Variants in ARHGAP28 observed in about 807,000 individuals in gnomAD.
ARHGAP28 encodes Rho GTPase activating protein 28, also known as rho GTPase-activating protein 28.
A neutral mutation model predicts 90.7 loss-of-function variants in ARHGAP28; 56 were observed. The observed-to-expected ratio is 0.62, with a 90% confidence interval of 0.50 to 0.77. The LOEUF (loss-of-function observed/expected upper bound fraction) is 0.77, where lower values mean the gene tolerates loss of function less well. ARHGAP28 is among the 30% of genes least tolerant of loss of function. The pLI, the probability that ARHGAP28 is intolerant of heterozygous loss-of-function variation, is 0.00. For missense variants in ARHGAP28, 869 were observed against 900.9 expected, an observed-to-expected ratio of 0.96 and a Z score of 0.45; for synonymous variants, 308 against 323.3, an observed-to-expected ratio of 0.95 and a Z score of 0.51.
At chr18:6,775,501 G>C (rs1459328706) in intron 1 of ARHGAP28, among the ~76,000 whole-genome samples, 2 of 151,516 alleles carry the variant, frequency 1.3e-5, no homozygotes, top group Non-Finnish European at 1.5e-5. Flanking sequence ...TGTGGTGGAA[G>C]GGGTGAGAGT....
intron 1 of ARHGAP28, among the ~76,000 whole-genome samples, chr18:6,775,961 T>C (rs879479114): frequency 6.6e-6 from 1 of 152,186 alleles, no homozygotes; most frequent in Non-Finnish European, 1.5e-5. Context: ...AAGGACTTCA[T>C]TTTTATGATC....
intron 2 of ARHGAP28, among the ~76,000 whole-genome samples, chr18:6,827,478 A>G (rs2056677290): frequency 7.7e-6 from 1 of 129,102 alleles, no homozygotes; most frequent in Non-Finnish European, 1.7e-5. Context: ...CTCACTTCCC[A>G]GTAGGGGCGG....
intron 1 of ARHGAP28, among the ~76,000 whole-genome samples, chr18:6,822,926 G>A (rs142493771): frequency 2.0e-5 from 3 of 152,250 alleles, no homozygotes; most frequent in East Asian, 3.9e-4. Flanking sequence ...CTTTACATTA[G>A]CCATGGCTAA....
chr18:6,735,356 A>G (rs151333978), intron 1 of ARHGAP28, among the ~76,000 whole-genome samples: 283 of 152,302 alleles, frequency 1.9e-3, no homozygotes, highest in Middle Eastern at 6.8e-3. Context: ...CCAGTTTTCC[A>G]ATAAAATCGG....
chr18:6,782,397 A>G (rs2056330785), intron 1 of ARHGAP28, among the ~76,000 whole-genome samples: 1 of 151,960 alleles, frequency 6.6e-6, no homozygotes, highest in African/African-American at 2.4e-5. Flanking sequence ...TATCTGTTAT[A>G]TATAATGTCA....
chr18:6,822,602 C>G (rs114187705), intron 1 of ARHGAP28, among the ~76,000 whole-genome samples: 1 of 152,108 alleles, frequency 6.6e-6, no homozygotes, highest in South Asian at 2.1e-4. Flanking sequence ...ACCCGGTTAT[C>G]AGACAAAACT....
At chr18:6,870,361 ATAGT>A (rs754114978) in intron 6 of ARHGAP28, among the ~76,000 whole-genome samples, 2 of 152,170 alleles carry the variant, frequency 1.3e-5, no homozygotes, top group Non-Finnish European at 2.9e-5. Context: ...ATCAGAGTAA[ATAGT>A]TTGTTTGGGC....
chr18:6,873,394 C>T lies in ARHGAP28; in HGVS notation c.955-15C>T, dbSNP rs1567977846. 1.9e-6 allele frequency: 3 copies of T among 1,597,888 alleles called. No individual in the cohort carries two copies. Among genetic ancestry groups the T allele is most frequent in the Admixed American group, 3.6e-5 (2 of 55,530 alleles). On this transcript the variant is annotated splice_polypyrimidine_tract_variant and intron_variant, in intron 7 of 17. Transcript: ENST00000383472. ...CTTTGCCATAAAAAATAAATACCTT[C>T]ACTGTGTGTTTTAGAAATTTAATGT...
At chr18:6,840,155 A>G (rs745394967) in intron 3 of ARHGAP28, among the ~76,000 whole-genome samples, 2 of 152,190 alleles carry the variant, frequency 1.3e-5, no homozygotes, top group Non-Finnish European at 2.9e-5. Flanking sequence ...ATTACTGTAA[A>G]TAAAAGGAGG....
intron 1 of ARHGAP28, among the ~76,000 whole-genome samples, chr18:6,818,854 C>T (rs1362366316): frequency 6.6e-6 from 1 of 152,200 alleles, no homozygotes; most frequent in Non-Finnish European, 1.5e-5. Context: ...GTAAGACTAG[C>T]AAAGAAGTTT....
At chr18:6,792,942 G>A (rs1426323953) in intron 1 of ARHGAP28, among the ~76,000 whole-genome samples, 2 of 152,188 alleles carry the variant, frequency 1.3e-5, no homozygotes, top group Non-Finnish European at 2.9e-5. Flanking sequence ...CTTCCAGTAT[G>A]ATGCTCACAT....
chr18:6,888,231 A>G (rs1017608032), intron 12 of ARHGAP28, among the ~76,000 whole-genome samples: 8 of 152,200 alleles, frequency 5.3e-5, no homozygotes, highest in Non-Finnish European at 1.2e-4. Context: ...TCTTTGCTGT[A>G]TGTTGGTAAA....
chr18:6,907,425 A>T (rs1197119990), intron 16 of ARHGAP28, among the ~76,000 whole-genome samples: 1 of 150,456 alleles, frequency 6.6e-6, no homozygotes, highest in African/African-American at 2.4e-5. Flanking sequence ...GGTGTCCTTC[A>T]ACAGGTGAGT....
At chr18:6,813,771 A>T (rs890472154) in intron 1 of ARHGAP28, among the ~76,000 whole-genome samples, 4 of 152,078 alleles carry the variant, frequency 2.6e-5, no homozygotes, top group African/African-American at 2.4e-5. Flanking sequence ...ATTTCTCAAT[A>T]ATTAGCTGTG....
At chr18:6,762,048 T>C (rs921676935) in intron 1 of ARHGAP28, among the ~76,000 whole-genome samples, 1 of 152,204 alleles carries the variant, frequency 6.6e-6, no homozygotes, top group African/African-American at 2.4e-5. Context: ...CATTTGCTGG[T>C]AGCATAGGGA....
chr18:6,772,844 A>G (rs996330674), intron 1 of ARHGAP28, among the ~76,000 whole-genome samples: 6 of 151,856 alleles, frequency 4.0e-5, no homozygotes, highest in African/African-American at 1.2e-4. Context: ...GGGTCCAAGC[A>G]ATTCTCCTGC....
chr18:6,784,801 C>A (rs999469175), intron 1 of ARHGAP28, among the ~76,000 whole-genome samples: 5 of 152,154 alleles, frequency 3.3e-5, no homozygotes, highest in African/African-American at 4.8e-5. Context: ...GTTGTGTTTT[C>A]TAATTTTAGT....
chr18:6,774,865 G>T (rs1036949973), intron 1 of ARHGAP28, among the ~76,000 whole-genome samples: 3 of 152,110 alleles, frequency 2.0e-5, no homozygotes, highest in African/African-American at 7.2e-5. Flanking sequence ...GTTTGCTGGG[G>T]GATTTGTGTG....
At position 6,741,939 on chromosome 18, in the gene ARHGAP28, G is replaced by A. The variant is rs180989537; in HGVS notation, c.122+11996G>A. Among the ~76,000 whole-genome samples, 1,032 of 152,198 alleles carry A rather than the reference G, an allele frequency of 6.8e-3. 9 individuals carry two copies. Among genetic ancestry groups the A allele is most frequent in the Admixed American group, 0.016 (245 of 15,280 alleles). ...CGCTTTATTCCTCTAGAGTATAAAAGATGGTTTTAAAGTAGACCACAAAGA... is the reference window on the plus strand; with the variant it reads ...CGCTTTATTCCTCTAGAGTATAAAAAATGGTTTTAAAGTAGACCACAAAGA... On this transcript the variant is annotated intron_variant, in intron 1 of 17. Coordinates refer to ENST00000383472, the MANE Select transcript of ARHGAP28 (RefSeq NM_001366230.1).
Sources: gnomAD v4.1 joint callset for allele counts (sites outside exome capture counted in the v4.1 genomes callset) on GRCh38, gnomAD v4.1.1 for gene constraint, MANE v1.5 for transcripts, NCBI Gene and HGNC (gene_info 2026-07-23, HGNC 2026-07-21) for gene names.